Variants in CADM1 observed in about 807,000 individuals in gnomAD.
CADM1 encodes the protein TSLC-1.
Under a neutral mutation model 53.1 loss-of-function variants are expected in CADM1, and 15 were observed. The observed-to-expected ratio is 0.28, with a 90% confidence interval of 0.19 to 0.44. The LOEUF is 0.44. Among genes scored for constraint, CADM1 ranks in the 20% least tolerant of loss-of-function variants. The pLI is 1.00. For missense variants in CADM1, 434 were observed against 611.3 expected (o/e 0.71, Z 3.06); for synonymous variants, 281 against 243.0 (o/e 1.16, Z -1.45).
Position 115,287,832 on chromosome 11 carries a change from G to T in CADM1, c.125-47412C>A, listed in dbSNP as rs563063323. Among the ~76,000 whole-genome samples, 30 of 152,298 alleles carry T rather than the reference G, an allele frequency of 2.0e-4. No individual in the cohort carries two copies. In the Middle Eastern group the frequency reaches 0.014, roughly 69 times the overall value. Reference sequence around the variant, plus strand: ...TTACTGAGACGTACTACATGCCAGGGACTCTTCTAGGTGTTGGGCATATGA... The same window carrying T: ...TTACTGAGACGTACTACATGCCAGGTACTCTTCTAGGTGTTGGGCATATGA... On this transcript the variant is annotated intron_variant, in intron 1 of 11. Transcript: ENST00000331581.
At chr11:115,257,202 C>T (rs1429002944) in intron 1 of CADM1, among the ~76,000 whole-genome samples, 1 of 152,068 alleles carries the variant, frequency 6.6e-6, no homozygotes, top group Non-Finnish European at 1.5e-5. Context: ...TAATGGGCTA[C>T]TTGCTGTTCT....
At chr11:115,405,979 G>A (rs553952557) in intron 1 of CADM1, among the ~76,000 whole-genome samples, 10 of 152,234 alleles carry the variant, frequency 6.6e-5, no homozygotes, top group African/African-American at 1.9e-4. Flanking sequence ...GGTTCTATAA[G>A]CTTTTCTATA....
At chr11:115,256,720 G>A in intron 1 of CADM1, 1 of 443,744 alleles carries the variant, frequency 2.3e-6, no homozygotes. Flanking sequence ...CCATTGCCAT[G>A]TTCTAGTTCC....
intron 1 of CADM1, among the ~76,000 whole-genome samples, chr11:115,382,351 T>C (rs1412390352): frequency 6.6e-6 from 1 of 151,984 alleles, no homozygotes; most frequent in Non-Finnish European, 1.5e-5. Flanking sequence ...TCTAGGAATA[T>C]AAAATGCACA....
intron 1 of CADM1, among the ~76,000 whole-genome samples, chr11:115,258,143 A>G (rs1168260622): frequency 4.6e-5 from 7 of 152,168 alleles, no homozygotes; most frequent in African/African-American, 1.4e-4. Context: ...GATCATTTCC[A>G]TGAGGACTTT....
At chr11:115,456,901 C>A (rs182911558) in intron 1 of CADM1, among the ~76,000 whole-genome samples, 1 of 152,232 alleles carries the variant, frequency 6.6e-6, no homozygotes, top group Admixed American at 6.5e-5. Flanking sequence ...AGATTTCAAA[C>A]CTACTGTTGA....
chr11:115,179,896 G>A (rs781428874), intron 10 of CADM1, among the ~76,000 whole-genome samples: 3 of 152,148 alleles, frequency 2.0e-5, no homozygotes, highest in Non-Finnish European at 2.9e-5. Flanking sequence ...GAAGCACATG[G>A]CCTATAAATC....
intron 1 of CADM1, among the ~76,000 whole-genome samples, chr11:115,341,670 CA>C: frequency 6.6e-6 from 1 of 152,246 alleles, no homozygotes; most frequent in East Asian, 1.9e-4. Flanking sequence ...TTTAGGGAAA[CA>C]AGCAAACTAA....
At chr11:115,389,274 G>A (rs948430005) in intron 1 of CADM1, among the ~76,000 whole-genome samples, 3 of 152,090 alleles carry the variant, frequency 2.0e-5, no homozygotes, top group African/African-American at 4.8e-5. Flanking sequence ...AGTTTGAAAC[G>A]ATTTCCAAAT....
At chr11:115,375,528 A>G (rs1449844278) in intron 1 of CADM1, among the ~76,000 whole-genome samples, 1 of 152,194 alleles carries the variant, frequency 6.6e-6, no homozygotes, top group Non-Finnish European at 1.5e-5. Flanking sequence ...AGAGTAGACT[A>G]CTATTCAGCA....
At chr11:115,320,972 A>G (rs1408363617) in intron 1 of CADM1, among the ~76,000 whole-genome samples, 1 of 152,176 alleles carries the variant, frequency 6.6e-6, no homozygotes, top group African/African-American at 2.4e-5. Context: ...TAAAGCAACC[A>G]TTGCTATATT....
chr11:115,408,432 A>G (rs1947371855), intron 1 of CADM1, among the ~76,000 whole-genome samples: 1 of 152,212 alleles, frequency 6.6e-6, no homozygotes, highest in African/African-American at 2.4e-5. Flanking sequence ...GAATAAATCA[A>G]TGAAGGCCTG....
At chr11:115,421,709 A>G (rs1467924417) in intron 1 of CADM1, among the ~76,000 whole-genome samples, 1 of 152,210 alleles carries the variant, frequency 6.6e-6, no homozygotes, top group African/African-American at 2.4e-5. Context: ...AATTCTAAAA[A>G]TATGTCATCA....
intron 1 of CADM1, among the ~76,000 whole-genome samples, chr11:115,441,896 G>A (rs1342371282): frequency 1.1e-4 from 17 of 151,936 alleles, no homozygotes; most frequent in African/African-American, 3.9e-4. Context: ...ACCCATGATA[G>A]TTCTATTTTA....
intron 1 of CADM1, among the ~76,000 whole-genome samples, chr11:115,287,158 C>T (rs1943750491): frequency 6.6e-6 from 1 of 152,204 alleles, no homozygotes; most frequent in African/African-American, 2.4e-5. Context: ...GAATGACATG[C>T]TATGCAAGAA....
At chr11:115,276,245 T>A (rs1943439974) in intron 1 of CADM1, among the ~76,000 whole-genome samples, 1 of 152,236 alleles carries the variant, frequency 6.6e-6, no homozygotes, top group Non-Finnish European at 1.5e-5. Context: ...TGGCATTTAA[T>A]TTCCACTTGC....
rs979990828 is a variant in CADM1 at position 115,175,043 on chromosome 11, C to T, written c.*1431G>A. ...TCATGCGAGGATCAGTAATTTTTGGCAGATGGTTCTTAAGGCTGAGGAAAG... is the reference window on the plus strand; with the variant it reads ...TCATGCGAGGATCAGTAATTTTTGGTAGATGGTTCTTAAGGCTGAGGAAAG... On this transcript the variant is annotated 3_prime_UTR_variant, in exon 12 of 12. Transcript: ENST00000331581. 58 of 985,712 alleles carry T rather than the reference C, an allele frequency of 5.9e-5. No individual in the cohort carries two copies. The highest frequency in any genetic ancestry group is 1.0e-3 in the Middle Eastern group (2 of 1,936). 61.1% of individuals were successfully genotyped at this position (985,712 alleles called of 1,614,324 possible).
At chr11:115,236,615 G>A (rs1030040633) in intron 3 of CADM1, among the ~76,000 whole-genome samples, 4 of 152,026 alleles carry the variant, frequency 2.6e-5, no homozygotes, top group East Asian at 3.8e-4. Context: ...TGGTGTATTC[G>A]GAGCCAAACT....
intron 1 of CADM1, among the ~76,000 whole-genome samples, chr11:115,337,186 C>T (rs1487846859): frequency 6.6e-6 from 1 of 152,144 alleles, no homozygotes; most frequent in Non-Finnish European, 1.5e-5. Context: ...GGGCCAGCAG[C>T]TCTGATATGC....
Sources: gnomAD v4.1 joint callset for allele counts (sites outside exome capture counted in the v4.1 genomes callset) on GRCh38, gnomAD v4.1.1 for gene constraint, MANE v1.5 for transcripts, NCBI Gene and HGNC (gene_info 2026-07-23, HGNC 2026-07-21) for gene names.